The following TMEM132B variants were observed in gnomAD, a reference collection of about 807,000 sequenced individuals.
The protein encoded by TMEM132B is transmembrane protein 132B.
In TMEM132B, 18 loss-of-function variants were observed where a neutral mutation model predicts 90.8. That is an observed-to-expected ratio of 0.20 (90% CI 0.14 to 0.29). The LOEUF is 0.29. TMEM132B is among the 10% of genes least tolerant of loss of function. The pLI is 1.00. For synonymous variants in TMEM132B, 504 were observed against 523.3 expected (o/e 0.96, Z 0.50); for missense variants, 1,096 against 1,326.8 (o/e 0.83, Z 2.70).
rs143735048 is a variant in TMEM132B, at chr12:125,247,090, C to T, written c.67+60224C>T. The stretch of plus-strand genomic sequence containing the variant: ...GCTGTTTGGTTGCTTCCAGTAATGA[C>T]GCACTCACTACCTATAAGGTAACCC... On this transcript the variant is annotated intron_variant, in intron 1 of 8. Transcript: ENST00000682704. Among the ~76,000 whole-genome samples, 284 of 152,328 alleles carry T rather than the reference C, an allele frequency of 1.9e-3. 4 individuals are homozygous for T. The East Asian group carries it at 0.033, about 18-fold the overall frequency.
At chr12:125,434,653 G>T (rs1880647996) in intron 3 of TMEM132B, among the ~76,000 whole-genome samples, 1 of 152,198 alleles carries the variant, frequency 6.6e-6, no homozygotes, top group Admixed American at 6.5e-5. Flanking sequence ...TTCCATCGAG[G>T]GGTCTCCAGG....
rs542115093 is a variant in TMEM132B at position 125,373,618 on chromosome 12, C to T, written c.959+23275C>T. ...GGCAGCCCCAGCTTCCTTTAGCTTC[C>T]GTTACAAAGTACCATTGTAGTGCCC... is the stretch of plus-strand genomic sequence containing the variant. On this transcript the variant is annotated intron_variant, in intron 2 of 8. Transcript: ENST00000682704. Among the ~76,000 whole-genome samples, 13 of 152,170 alleles carry T rather than the reference C, an allele frequency of 8.5e-5. No homozygotes were observed. In the East Asian group the frequency reaches 1.4e-3, roughly 16 times the overall value.
intron 4 of TMEM132B, among the ~76,000 whole-genome samples, chr12:125,562,655 G>A (rs1884562252): frequency 6.6e-6 from 1 of 152,174 alleles, no homozygotes; most frequent in Non-Finnish European, 1.5e-5. Flanking sequence ...ACCCCCACAT[G>A]TTGTGGGAGG....
At chr12:125,481,230 AAC>A (rs1882034482) in intron 3 of TMEM132B, among the ~76,000 whole-genome samples, 1 of 152,224 alleles carries the variant, frequency 6.6e-6, no homozygotes. Context: ...ACTCCTATTC[AAC>A]ACAGTGTTGG....
intron 5 of TMEM132B, among the ~76,000 whole-genome samples, chr12:125,622,038 C>T (rs1886125817): frequency 1.3e-5 from 2 of 152,196 alleles, no homozygotes; most frequent in African/African-American, 4.8e-5. Flanking sequence ...TCCCACATGG[C>T]AGCAGTGGGC....
intron 5 of TMEM132B, among the ~76,000 whole-genome samples, chr12:125,614,866 G>C (rs1303448529): frequency 6.6e-6 from 1 of 152,102 alleles, no homozygotes; most frequent in Non-Finnish European, 1.5e-5. Flanking sequence ...AGGTGGGGCT[G>C]CTAGCAACTC....
Position 125,568,725 on chromosome 12 carries a change from G to A in TMEM132B, c.1294-15126G>A, listed in dbSNP as rs548992738. Among the ~76,000 whole-genome samples, 175 of 152,268 alleles carry A rather than the reference G, an allele frequency of 1.1e-3. 2 individuals are homozygous for A. Among genetic ancestry groups the A allele is most frequent in the African/African-American group, 4.0e-3 (166 of 41,534 alleles). On this transcript the variant is annotated intron_variant, in intron 4 of 8. Transcript: ENST00000682704. ...ACCACTCACTTTGTAGGTCACAATG[G>A]CTTCCATTTGTTGCATATCCTAAAG...
chr12:125,519,474 A>G lies in TMEM132B; in HGVS notation c.1142A>G (p.Asp381Gly). Residue 381 changes from aspartate (D) to glycine (G), a missense_variant, in exon 4 of 9, where the codon GAC becomes GGC. Physicochemically the swap from Asp to Gly is moderately conservative, Grantham distance 94 (BLOSUM62 -1). Coordinates refer to ENST00000682704, the MANE Select transcript of TMEM132B (RefSeq NM_001366854.1). ...TCCTTCTATGAGATCTTGCAAGTGG[A>G]CTTTGGAATTGATAATAGCAGTGAC... ...NGSFYEILQV[D>G]FGIDNSSDLA... is the part of the protein sequence containing the mutation. The G allele has an allele frequency of 6.2e-7, 1 of 1,613,424 alleles. No homozygotes were observed. The highest frequency in any genetic ancestry group is 2.2e-5 in the East Asian group (1 of 44,858).
At chr12:125,355,978 C>T (rs1877757650) in intron 2 of TMEM132B, among the ~76,000 whole-genome samples, 1 of 152,006 alleles carries the variant, frequency 6.6e-6, no homozygotes, top group Non-Finnish European at 1.5e-5. Flanking sequence ...AGCAAAGGGT[C>T]ATCAAGTGGG....
At chr12:125,195,492 G>A (rs1436960914) in intron 1 of TMEM132B, among the ~76,000 whole-genome samples, 2 of 138,532 alleles carry the variant, frequency 1.4e-5, no homozygotes, top group East Asian at 2.3e-4. Flanking sequence ...TCTGCCTCCC[G>A]GGTTCAAGTG....
intron 1 of TMEM132B, among the ~76,000 whole-genome samples, chr12:125,299,024 C>T (rs1413503124): frequency 6.6e-6 from 1 of 152,100 alleles, no homozygotes; most frequent in African/African-American, 2.4e-5. Context: ...TGAGCCACCA[C>T]GCCCGGCCCA....
In TMEM132B at chr12:125,360,386, C is replaced by T. The variant is rs201862422; in HGVS notation, c.959+10043C>T. On this transcript the variant is annotated intron_variant, in intron 2 of 8. Transcript: ENST00000682704. ...ACCTCTCCAAGAGACTGCTCCTAGA[C>T]GATGGTCTACAATAAGACTGTAAAT... is the stretch of plus-strand genomic sequence containing the variant. 9.8e-5 allele frequency among the ~76,000 whole-genome samples: 15 copies of T among 152,290 alleles called. No individual in the cohort carries two copies. In the East Asian group the frequency reaches 2.1e-3, roughly 22 times the overall value.
Position 125,653,807 on chromosome 12 carries a change from T to G in TMEM132B, c.2349T>G (p.Leu783=). 6.2e-7 allele frequency: 1 copy of G among 1,614,156 alleles called. No individual in the cohort carries two copies. Among genetic ancestry groups the G allele is most frequent in the Non-Finnish European group, 8.5e-7 (1 of 1,180,032 alleles). Residue 783 remains leucine, a synonymous_variant, in exon 9 of 9, where the codon CTT becomes CTG. Transcript: ENST00000682704. ...AGAAGACCAAGAGGAAGAGTGTTCT[T>G]GCCGTGGGTAAAGGAAATGTCAAGG... ...PCQKTKRKSV[L]AVGKGNVKVK... is the part of the protein sequence containing the mutation.
In TMEM132B at chr12:125,440,225, T is replaced by TG. The variant is rs201934455; in HGVS notation, c.1106+24550dup. On this transcript the variant is annotated intron_variant, in intron 3 of 8. Coordinates refer to ENST00000682704, the MANE Select transcript of TMEM132B (RefSeq NM_001366854.1). ...AGTTGTTGTATTTCTTGTTCTGGAT[T>TG]GGCATTCTTCTGGCTTGATTTCATG... is the stretch of plus-strand genomic sequence containing the variant. Among the ~76,000 whole-genome samples, 720 of 152,348 alleles carry TG rather than the reference T, an allele frequency of 4.7e-3. 10 individuals are homozygous for TG. The highest frequency in any genetic ancestry group is 0.016 in the African/African-American group (680 of 41,578).
chr12:125,308,001 A>C (rs2136172926), intron 1 of TMEM132B, among the ~76,000 whole-genome samples: 1 of 139,478 alleles, frequency 7.2e-6, no homozygotes, highest in African/African-American at 2.6e-5. Flanking sequence ...AAATATATAT[A>C]AGTAATATAA....
chr12:125,229,827 C>T (rs541245030), intron 1 of TMEM132B, among the ~76,000 whole-genome samples: 6 of 152,350 alleles, frequency 3.9e-5, no homozygotes, highest in Admixed American at 1.3e-4. Context: ...CGCTCCCAGT[C>T]GCCTAGCTGT....
intron 5 of TMEM132B, among the ~76,000 whole-genome samples, chr12:125,590,638 A>C (rs1430916724): frequency 6.6e-6 from 1 of 152,206 alleles, no homozygotes; most frequent in Non-Finnish European, 1.5e-5. Context: ...TGTGGAGGGC[A>C]ATATATAAAC....
At chr12:125,288,462 C>A (rs1481364965) in intron 1 of TMEM132B, among the ~76,000 whole-genome samples, 175 of 102,846 alleles carry the variant, frequency 1.7e-3, no homozygotes, top group Admixed American at 2.1e-3. Context: ...GACTCCATCT[C>A]AAAAAAAAAA....
In TMEM132B at chr12:125,638,439, A is replaced by G. The variant is rs191454642; in HGVS notation, c.1438-5637A>G. On this transcript the variant is annotated intron_variant, in intron 5 of 8. Transcript: ENST00000682704. Reference sequence around the variant, plus strand: ...TTTGAGTACCTACTGCGCCTCAGACACAGTACACTTCACTAAACTCAGTAA... The same window carrying G: ...TTTGAGTACCTACTGCGCCTCAGACGCAGTACACTTCACTAAACTCAGTAA... 3.5e-3 allele frequency among the ~76,000 whole-genome samples: 529 copies of G among 152,310 alleles called. 9 individuals are homozygous for G. The highest frequency in any genetic ancestry group is 0.012 in the African/African-American group (497 of 41,564).
Sources: allele counts gnomAD v4.1 joint callset (sites outside exome capture counted in the v4.1 genomes callset), GRCh38; gene constraint gnomAD v4.1.1; transcripts MANE v1.5; gene names NCBI Gene and HGNC (gene_info 2026-07-23, HGNC 2026-07-21).